Variants in MACROD2 observed in about 807,000 individuals in gnomAD.
MACROD2 encodes ADP-ribose glycohydrolase MACROD2.
In MACROD2, 36 loss-of-function variants were observed where a neutral mutation model predicts 70.4. That is an observed-to-expected ratio of 0.51 (90% CI 0.39 to 0.68). MACROD2 has a LOEUF of 0.68. Among genes scored for constraint, MACROD2 ranks in the 30% least tolerant of loss-of-function variants. The probability of loss-of-function intolerance (pLI) is 0.00; values close to 1 mark genes in which losing one functional copy is unlikely to be tolerated. For missense variants in MACROD2, 496 were observed against 538.4 expected (o/e 0.92, Z 0.78); for synonymous variants, 172 against 178.8 (o/e 0.96, Z 0.30).
At chr20:15,354,655 A>G (rs2078266377) in intron 6 of MACROD2, among the ~76,000 whole-genome samples, 1 of 150,284 alleles carries the variant, frequency 6.7e-6, no homozygotes, top group South Asian at 2.1e-4. Flanking sequence ...TAAAAAAGAA[A>G]AAGTTTTAGG....
At chr20:15,761,667 T>C (rs2051438603) in intron 8 of MACROD2, among the ~76,000 whole-genome samples, 1 of 152,198 alleles carries the variant, frequency 6.6e-6, no homozygotes, top group Non-Finnish European at 1.5e-5. Flanking sequence ...GGCTATGGTG[T>C]GGTGACTCAG....
intron 8 of MACROD2, among the ~76,000 whole-genome samples, chr20:15,815,420 T>C (rs564922791): frequency 2.0e-5 from 3 of 152,172 alleles, no homozygotes; most frequent in African/African-American, 7.2e-5. Flanking sequence ...GTTCTTTTTT[T>C]TTTTAATGTA....
chr20:14,313,477 G>A (rs549361045), intron 3 of MACROD2, among the ~76,000 whole-genome samples: 1 of 146,848 alleles, frequency 6.8e-6, no homozygotes, highest in East Asian at 2.0e-4. Context: ...AGTGTTAATT[G>A]GTTTTAATGG....
rs182177034 is a variant in MACROD2, at chr20:14,479,783, T to A, written c.272-13696T>A. The stretch of plus-strand genomic sequence containing the variant: ...ATCTCTCATCAACTTGTAAAAAATT[T>A]TAAAAAAAATCTTCAACATCATGAT... On this transcript the variant is annotated intron_variant, in intron 3 of 17. Coordinates refer to ENST00000684519, the MANE Select transcript of MACROD2 (RefSeq NM_001351661.2). Among the ~76,000 whole-genome samples the A allele has an allele frequency of 4.3e-4, 65 of 152,086 alleles. No individual in the cohort carries two copies. The East Asian group carries it at 0.01, about 24-fold the overall frequency.
intron 9 of MACROD2, among the ~76,000 whole-genome samples, chr20:15,866,000 T>A (rs1321127139): frequency 6.6e-6 from 1 of 152,124 alleles, no homozygotes; most frequent in Non-Finnish European, 1.5e-5. Flanking sequence ...GGGTTTGGGG[T>A]CAGCTGGATG....
At chr20:14,568,418 G>A (rs1342778963) in intron 4 of MACROD2, among the ~76,000 whole-genome samples, 3 of 151,972 alleles carry the variant, frequency 2.0e-5, no homozygotes, top group Non-Finnish European at 4.4e-5. Context: ...TTAGCATTCC[G>A]TTCCTTTGAC....
At chr20:14,339,009 C>T (rs569516829) in intron 3 of MACROD2, among the ~76,000 whole-genome samples, 1 of 152,274 alleles carries the variant, frequency 6.6e-6, no homozygotes, top group African/African-American at 2.4e-5. Context: ...ATGACCTTCT[C>T]CTTTGTCCTT....
chr20:15,880,497 G>A (rs962187364), intron 9 of MACROD2, among the ~76,000 whole-genome samples: 1 of 151,768 alleles, frequency 6.6e-6, no homozygotes, highest in Non-Finnish European at 1.5e-5. Context: ...GGGAAGTGGG[G>A]AAGTGAGACA....
chr20:15,892,342 A>G (rs2064902170), intron 10 of MACROD2, among the ~76,000 whole-genome samples: 1 of 152,210 alleles, frequency 6.6e-6, no homozygotes, highest in Non-Finnish European at 1.5e-5. Flanking sequence ...CTTTCCTGAC[A>G]CTGTCCTCAG....
chr20:15,381,116 G>A (rs948210720), intron 6 of MACROD2, among the ~76,000 whole-genome samples: 1 of 152,036 alleles, frequency 6.6e-6, no homozygotes, highest in African/African-American at 2.4e-5. Context: ...GCAGTAAAGA[G>A]TATTATATAT....
chr20:14,460,895 G>T (rs962589972), intron 3 of MACROD2, among the ~76,000 whole-genome samples: 1 of 151,916 alleles, frequency 6.6e-6, no homozygotes, highest in Non-Finnish European at 1.5e-5. Flanking sequence ...TCATTGTTGT[G>T]TCTCTGCCAG....
At chr20:14,100,076 G>A (rs2054278067) in intron 3 of MACROD2, among the ~76,000 whole-genome samples, 1 of 151,928 alleles carries the variant, frequency 6.6e-6, no homozygotes, top group East Asian at 1.9e-4. Flanking sequence ...CCCATAGATG[G>A]CAACACTTAG....
At chr20:15,714,124 A>G (rs2050673264) in intron 8 of MACROD2, among the ~76,000 whole-genome samples, 1 of 152,132 alleles carries the variant, frequency 6.6e-6, no homozygotes, top group Non-Finnish European at 1.5e-5. Flanking sequence ...AACTATGCAC[A>G]TTAAAAATAA....
intron 8 of MACROD2, among the ~76,000 whole-genome samples, chr20:15,827,061 T>C (rs1440029683): frequency 6.6e-6 from 1 of 152,222 alleles, no homozygotes; most frequent in African/African-American, 2.4e-5. Context: ...TAGCTGTTTC[T>C]TGAAAGCCAT....
intron 4 of MACROD2, among the ~76,000 whole-genome samples, chr20:14,529,402 G>A (rs191228135): frequency 6.6e-6 from 1 of 152,294 alleles, no homozygotes; most frequent in East Asian, 1.9e-4. Flanking sequence ...TTCACCTCGT[G>A]TTTTTGATAT....
At chr20:14,306,998 G>A (rs1466083003) in intron 3 of MACROD2, among the ~76,000 whole-genome samples, 5 of 135,676 alleles carry the variant, frequency 3.7e-5, no homozygotes, top group East Asian at 2.1e-4. Flanking sequence ...AGTGTGAACC[G>A]TGGACTAAAT....
At chr20:15,052,817 C>A (rs1215183416) in intron 5 of MACROD2, among the ~76,000 whole-genome samples, 1 of 152,180 alleles carries the variant, frequency 6.6e-6, no homozygotes, top group Admixed American at 6.5e-5. Flanking sequence ...GCAGAGACAG[C>A]CAAATGCTAG....
At chr20:15,251,244 C>T (rs1344572836) in intron 6 of MACROD2, among the ~76,000 whole-genome samples, 1 of 152,156 alleles carries the variant, frequency 6.6e-6, no homozygotes, top group Non-Finnish European at 1.5e-5. Flanking sequence ...GATTCCCTGC[C>T]ACTGAGAAGC....
chr20:15,213,229 G>A (rs1211078476), intron 5 of MACROD2, among the ~76,000 whole-genome samples: 3 of 152,164 alleles, frequency 2.0e-5, no homozygotes, highest in Non-Finnish European at 4.4e-5. Context: ...AAGGAGACCT[G>A]ATTATTCTGG....
Sources: gnomAD v4.1 joint callset for allele counts (sites outside exome capture counted in the v4.1 genomes callset) on GRCh38, gnomAD v4.1.1 for gene constraint, MANE v1.5 for transcripts, NCBI Gene and HGNC (gene_info 2026-07-23, HGNC 2026-07-21) for gene names.